The following CNIH3 variants were observed in gnomAD, a reference collection of about 807,000 sequenced individuals.
CNIH3 encodes the protein cornichon family AMPA receptor auxiliary protein 3.
CNIH3 carries 14 observed loss-of-function variants against 24.1 expected under a neutral mutation model. That is an observed-to-expected ratio of 0.58 (90% CI 0.38 to 0.91). The LOEUF is 0.91. Among genes scored for constraint, CNIH3 ranks in the 40% least tolerant of loss-of-function variants. The pLI is 0.00. For missense variants in CNIH3, 178 were observed against 196.8 expected, an observed-to-expected ratio of 0.90 and a Z score of 0.57; for synonymous variants, 68 against 73.8, an observed-to-expected ratio of 0.92 and a Z score of 0.40.
At position 224,730,547 on chromosome 1, in the gene CNIH3, T is replaced by G; in HGVS notation, c.284T>G (p.Val95Gly). The change falls in exon 4 of 6, where the codon GTC (valine) becomes GGC (glycine). Residue 95 changes from valine (V) to glycine (G), a missense_variant. Transcript: ENST00000272133. ...GAGTGGCTCACGCTGGGGCTGAATG[T>G]CCCTCTACTTTTCTATCACTTCTGG... Reference protein sequence around the residue: ...AQEWLTLGLNVPLLFYHFWRY... With the variant: ...AQEWLTLGLNGPLLFYHFWRY... 1 of 1,556,490 alleles carries G rather than the reference T, an allele frequency of 6.4e-7. No homozygotes were observed.
intron 3 of CNIH3, among the ~76,000 whole-genome samples, chr1:224,602,204 T>G (rs1682236711): frequency 6.6e-6 from 1 of 152,252 alleles, no homozygotes; most frequent in South Asian, 2.1e-4. Flanking sequence ...GCTTTCTCAT[T>G]TCAGTAATGT....
At chr1:224,560,596 T>C (rs1025287291) in intron 3 of CNIH3, among the ~76,000 whole-genome samples, 14 of 151,934 alleles carry the variant, frequency 9.2e-5, no homozygotes, top group Non-Finnish European at 4.4e-5. Flanking sequence ...GTGAACCCTA[T>C]TGTGAGCTGT....
chr1:224,434,927 G>A, intron 1 of CNIH3: 1 of 985,884 alleles, frequency 1.0e-6, no homozygotes, highest in Non-Finnish European at 1.2e-6. Context: ...GGGGTCAGGG[G>A]AGGGAGGCCA....
intron 1 of CNIH3, among the ~76,000 whole-genome samples, chr1:224,659,614 C>T (rs527481115): frequency 3.1e-4 from 47 of 152,172 alleles, no homozygotes; most frequent in Middle Eastern, 3.4e-3. Flanking sequence ...AACCGGGAAA[C>T]GAGTACTTTG....
At chr1:224,451,969 A>G (rs1265188440) in intron 1 of CNIH3, among the ~76,000 whole-genome samples, 1 of 152,176 alleles carries the variant, frequency 6.6e-6, no homozygotes, top group African/African-American at 2.4e-5. Context: ...TTCTGCTTCT[A>G]TACAGGTTAT....
At chr1:224,468,806 CAGAGTGA>C (rs1676247807) in intron 1 of CNIH3, among the ~76,000 whole-genome samples, 1 of 145,104 alleles carries the variant, frequency 6.9e-6, no homozygotes, top group Non-Finnish European at 1.5e-5. Flanking sequence ...GCCTGCGTGA[CAGAGTGA>C]GACCCTGTCT....
At chr1:224,729,910 G>T (rs774339886) in intron 3 of CNIH3, among the ~76,000 whole-genome samples, 2 of 152,060 alleles carry the variant, frequency 1.3e-5, no homozygotes, top group Non-Finnish European at 2.9e-5. Flanking sequence ...TTTTTCTCGC[G>T]TTCCTCTTGC....
intron 1 of CNIH3, among the ~76,000 whole-genome samples, chr1:224,500,402 C>A (rs558519466): frequency 3.8e-4 from 57 of 151,982 alleles, no homozygotes; most frequent in Non-Finnish European, 6.9e-4. Flanking sequence ...GCTGGTGCAA[C>A]AGTTCATGCC....
At chr1:224,722,986 A>G (rs1688811818) in intron 3 of CNIH3, among the ~76,000 whole-genome samples, 1 of 152,116 alleles carries the variant, frequency 6.6e-6, no homozygotes, top group African/African-American at 2.4e-5. Context: ...TGGGATCTGT[A>G]ATTTATGCAG....
At chr1:224,640,410 C>T (rs541441465) in intron 1 of CNIH3, among the ~76,000 whole-genome samples, 21 of 152,330 alleles carry the variant, frequency 1.4e-4, no homozygotes, top group African/African-American at 4.6e-4. Flanking sequence ...CAACAGTTGC[C>T]CTGAGAGGCA....
chr1:224,480,635 T>C (rs1676769050), intron 1 of CNIH3, among the ~76,000 whole-genome samples: 1 of 152,190 alleles, frequency 6.6e-6, no homozygotes, highest in South Asian at 2.1e-4. Flanking sequence ...AAATTCAAAG[T>C]TCCAAAAATC....
intron 1 of CNIH3, among the ~76,000 whole-genome samples, chr1:224,451,964 C>T: frequency 6.6e-6 from 1 of 152,182 alleles, no homozygotes; most frequent in East Asian, 1.9e-4. Context: ...GTGGCTTCTG[C>T]TTCTATACAG....
intron 1 of CNIH3, among the ~76,000 whole-genome samples, chr1:224,618,457 G>A (rs1683134559): frequency 6.6e-6 from 1 of 152,232 alleles, no homozygotes; most frequent in African/African-American, 2.4e-5. Context: ...ATTGCAGGGT[G>A]GGTGAGATGC....
intron 2 of CNIH3, among the ~76,000 whole-genome samples, chr1:224,683,172 A>G (rs1206511298): frequency 2.0e-5 from 3 of 152,192 alleles, no homozygotes; most frequent in Non-Finnish European, 1.5e-5. Flanking sequence ...TTAAATCTCA[A>G]TTCACTTTTT....
At chr1:224,667,518 A>G (rs546070049) in intron 1 of CNIH3, among the ~76,000 whole-genome samples, 38 of 152,348 alleles carry the variant, frequency 2.5e-4, no homozygotes, top group Middle Eastern at 6.8e-3. Context: ...CTAAGCGACA[A>G]TGAACGGAAG....
At position 224,616,773 on chromosome 1, in the gene CNIH3, A is replaced by G; in HGVS notation, c.-402A>G. 5 of 1,030,090 alleles carry G rather than the reference A, an allele frequency of 4.9e-6. No individual in the cohort carries two copies. Among genetic ancestry groups the G allele is most frequent in the Non-Finnish European group, 5.8e-6 (5 of 859,168 alleles). 63.8% of individuals were successfully genotyped at this position (1,030,090 alleles called of 1,614,324 possible). ...AGCGGTTTAGTGGAGAAAAGCAGAGAGCTCTTCCTGGGGCGAATGGGACCT... is the reference window on the plus strand; with the variant it reads ...AGCGGTTTAGTGGAGAAAAGCAGAGGGCTCTTCCTGGGGCGAATGGGACCT... On this transcript the variant is annotated 5_prime_UTR_variant, in exon 1 of 6. Transcript: ENST00000272133.
At chr1:224,708,454 T>G (rs1469644735) in intron 3 of CNIH3, among the ~76,000 whole-genome samples, 1 of 152,190 alleles carries the variant, frequency 6.6e-6, no homozygotes, top group South Asian at 2.1e-4. Context: ...CCCACACATT[T>G]CTTTTTTCAT....
intron 3 of CNIH3, among the ~76,000 whole-genome samples, chr1:224,720,432 ACGTGGCTGTAG>A (rs1688655132): frequency 6.6e-6 from 1 of 152,120 alleles, no homozygotes; most frequent in Admixed American, 6.5e-5. Context: ...CACCTGGGAA[ACGTGGCTGTAG>A]CAGGCAGTGG....
chr1:224,569,271 A>G (rs1396762394), intron 4 of CNIH3, among the ~76,000 whole-genome samples: 1 of 152,248 alleles, frequency 6.6e-6, no homozygotes, highest in Non-Finnish European at 1.5e-5. Context: ...ATGGAATCAT[A>G]CTGTATGAAT....
Sources: allele counts gnomAD v4.1 joint callset (sites outside exome capture counted in the v4.1 genomes callset), GRCh38; gene constraint gnomAD v4.1.1; transcripts MANE v1.5; gene names NCBI Gene and HGNC (gene_info 2026-07-23, HGNC 2026-07-21).